Variants in ITK observed in about 807,000 individuals in gnomAD.
ITK encodes tyrosine-protein kinase ITK/TSK.
A neutral mutation model predicts 87.6 loss-of-function variants in ITK; 45 were observed. That is an observed-to-expected ratio of 0.51 (90% CI 0.40 to 0.66). The LOEUF (loss-of-function observed/expected upper bound fraction) is 0.66. ITK is among the 30% of genes least tolerant of loss of function. The pLI, the probability that ITK is intolerant of heterozygous loss-of-function variation, is 0.00. For synonymous variants in ITK, 303 were observed against 273.6 expected (o/e 1.11, Z -1.06); for missense variants, 605 against 766.3 (o/e 0.79, Z 2.48).
chr5:157,217,614 G>A (rs146892432), intron 4 of ITK, among the ~76,000 whole-genome samples: 118 of 152,258 alleles, frequency 7.7e-4, no homozygotes, highest in African/African-American at 2.7e-3. Flanking sequence ...GAGGGCCCCC[G>A]AATATGGACT....
chr5:157,222,773 G>T (rs1307329057), intron 5 of ITK, 90 bp from the exon 6 acceptor site: 17 of 1,282,268 alleles, frequency 1.3e-5, no homozygotes, highest in Admixed American at 1.7e-5. Flanking sequence ...CCAGAGGAAG[G>T]CAGACTGTCT....
intron 9 of ITK, among the ~76,000 whole-genome samples, chr5:157,238,401 C>T (rs1169605444): frequency 6.6e-6 from 1 of 152,074 alleles, no homozygotes; most frequent in Non-Finnish European, 1.5e-5. Flanking sequence ...GGAGTGGATG[C>T]CAGGTCCTCT....
chr5:157,224,727 G>A (rs1459474203), intron 6 of ITK, among the ~76,000 whole-genome samples: 1 of 152,116 alleles, frequency 6.6e-6, no homozygotes, highest in Non-Finnish European at 1.5e-5. Context: ...GTTGCAGTGG[G>A]CCAAGCTCAC....
chr5:157,180,851 C>T lies in ITK; in HGVS notation c.-127C>T, dbSNP rs756436987. 73 of 844,206 alleles carry T rather than the reference C, an allele frequency of 8.6e-5. No individual in the cohort carries two copies. The highest frequency in any genetic ancestry group is 4.4e-4 in the Middle Eastern group (2 of 4,552). 52.3% of individuals were successfully genotyped at this position (844,206 alleles called of 1,614,324 possible). A position where few individuals can be genotyped will look rare whatever the true frequency, so the allele number is the denominator to read the frequency against. ...GTTGATAGAAAGATAACGTTGAAGG[C>T]AAGTTGCCCTTGAGCAGCTCTCTGA... On this transcript the variant is annotated 5_prime_UTR_variant, in exon 1 of 17. Transcript: ENST00000422843.
Position 157,229,481 on chromosome 5 carries a change from TATAAGGATATATTC to T in ITK, c.713+1134_713+1147del, listed in dbSNP as rs1367050404. Among the ~76,000 whole-genome samples, 6 of 152,306 alleles carry T rather than the reference TATAAGGATATATTC, an allele frequency of 3.9e-5. No individual in the cohort carries two copies. The East Asian group carries it at 9.6e-4, about 24-fold the overall frequency. On this transcript the variant is annotated intron_variant, in intron 7 of 16. Transcript: ENST00000422843. ...AAAAAATGCACAACATAAATTTACT[TATAAGGATATATTC>T]ATAAGGATATATTAGACAAATCCAA...
rs767930063 is a variant in ITK, at chr5:157,228,323, T to C, written c.675T>C (p.Tyr225=). The C allele has an allele frequency of 2.2e-5, 35 of 1,606,584 alleles. No homozygotes were observed. In the Middle Eastern group the frequency reaches 5.0e-4, roughly 23 times the overall value. The stretch of plus-strand genomic sequence containing the variant: ...ATGAAGGATATGTACCAAGCAGTTA[T>C]CTGGTGGAAAAATCTCCAAATAATC... ...NGHEGYVPSS[Y]LVEKSPNNLE... is the part of the protein sequence containing the mutation. Residue 225 remains tyrosine (Y), a synonymous_variant, in exon 7 of 17, where the codon TAT becomes TAC. Transcript: ENST00000422843.
intron 1 of ITK, among the ~76,000 whole-genome samples, 167 bp downstream of exon 1, chr5:157,181,282 C>A (rs1186317075): frequency 3.9e-5 from 6 of 152,108 alleles, no homozygotes; most frequent in African/African-American, 1.4e-4. Flanking sequence ...ATGCAGAGAG[C>A]AGTCAAGAGG....
chr5:157,214,455 C>G, intron 4 of ITK, 136 bp downstream of exon 4: 3 of 751,678 alleles, frequency 4.0e-6, no homozygotes, highest in Non-Finnish European at 4.6e-6. Context: ...GAGGAATCAT[C>G]TGTCTTTCCT....
In ITK at chr5:157,254,575, A is replaced by G. The variant is rs931889587; in HGVS notation, c.*1897A>G. 4.6e-6 allele frequency: 1 copy of G among 218,796 alleles called. No individual in the cohort carries two copies. Among genetic ancestry groups the G allele is most frequent in the Non-Finnish European group, 9.2e-6 (1 of 109,022 alleles). 13.6% of individuals were successfully genotyped at this position (218,796 alleles called of 1,614,324 possible). A position where few individuals can be genotyped will look rare whatever the true frequency, so the allele number is the denominator to read the frequency against. On this transcript the variant is annotated 3_prime_UTR_variant, in exon 17 of 17. Coordinates refer to ENST00000422843, the MANE Select transcript of ITK (RefSeq NM_005546.4). ...GACTGGCTTGAGATTCAGATGCATA[A>G]TTTTTAATTATAATTATTGTGAAGT... is the stretch of plus-strand genomic sequence containing the variant.
At chr5:157,213,351 C>A (rs944155213) in intron 3 of ITK, among the ~76,000 whole-genome samples, 1 of 152,178 alleles carries the variant, frequency 6.6e-6, no homozygotes, top group Non-Finnish European at 1.5e-5. Flanking sequence ...ATGGAGATTA[C>A]AATTCAAGAT....
At position 157,254,287 on chromosome 5, in the gene ITK, C is replaced by A; in HGVS notation, c.*1609C>A. On this transcript the variant is annotated 3_prime_UTR_variant, in exon 17 of 17. Transcript: ENST00000422843. ...TTCCTTTTCCTATTCTGTATCCTTA[C>A]CTTGGTCATGTTAATGACTTTGGAG... is the stretch of plus-strand genomic sequence containing the variant. 1 of 228,170 alleles carries A rather than the reference C, an allele frequency of 4.4e-6. No individual in the cohort carries two copies. The highest frequency in any genetic ancestry group is 6.3e-5 in the East Asian group (1 of 15,912). 14.1% of individuals were successfully genotyped at this position (228,170 alleles called of 1,614,324 possible). A position where few individuals can be genotyped will look rare whatever the true frequency, so the allele number is the denominator to read the frequency against.
chr5:157,199,270 C>T (rs1753913645), intron 1 of ITK: 1 of 152,092 alleles, frequency 6.6e-6, no homozygotes, highest in African/African-American at 2.4e-5. Flanking sequence ...CTCTGCCTTA[C>T]CAGAGGAGAA....
chr5:157,202,007 G>A (rs769922045), intron 1 of ITK, among the ~76,000 whole-genome samples: 25 of 152,028 alleles, frequency 1.6e-4, no homozygotes, highest in Admixed American at 7.9e-4. Flanking sequence ...AGTAGGTGCC[G>A]GTATCTGTGG....
At chr5:157,245,812 G>C (rs573598171) in intron 14 of ITK, 22 bp downstream of exon 14, 10 of 1,613,002 alleles carry the variant, frequency 6.2e-6, no homozygotes, top group African/African-American at 1.3e-5. Context: ...ATGTGGTGCC[G>C]GTGAAGTCTC....
At chr5:157,226,511 G>A (rs571983680) in intron 6 of ITK, among the ~76,000 whole-genome samples, 1 of 152,320 alleles carries the variant, frequency 6.6e-6, no homozygotes, top group African/African-American at 2.4e-5. Flanking sequence ...CGTTGGAATG[G>A]CTGCCTTGAG....
chr5:157,226,137 A>G (rs1754526509), intron 6 of ITK, among the ~76,000 whole-genome samples: 1 of 152,232 alleles, frequency 6.6e-6, no homozygotes, highest in South Asian at 2.1e-4. Context: ...ACAGATGACC[A>G]TGTCATATGT....
chr5:157,211,325 A>G lies in ITK; in HGVS notation c.282A>G (p.Pro94=), dbSNP rs1189784154. ...ACTACCTCCTATATGTGTTTGCTCC[A>G]GATCGTGAGAGCCGGCAGCGCTGGG... is the stretch of plus-strand genomic sequence containing the variant. ...HDNYLLYVFA[P]DRESRQRWVL... Residue 94 remains proline (P), a synonymous_variant, in exon 3 of 17, where the codon CCA becomes CCG. Transcript: ENST00000422843. 1.2e-5 allele frequency: 19 copies of G among 1,614,080 alleles called. No homozygotes were observed. The South Asian group carries it at 2.0e-4, about 17-fold the overall frequency.
At chr5:157,230,815 G>A (rs968124433) in intron 7 of ITK, among the ~76,000 whole-genome samples, 2 of 151,974 alleles carry the variant, frequency 1.3e-5, no homozygotes, top group African/African-American at 4.8e-5. Context: ...GAGGTCTGGA[G>A]CAAATAAAAA....
chr5:157,205,772 C>T (rs463077), intron 1 of ITK, among the ~76,000 whole-genome samples: 106,090 of 151,992 alleles, frequency 0.7, 37,736 homozygotes, highest in East Asian at 0.98. Flanking sequence ...TTTTGACGTA[C>T]GTTCCTTTAA....
Sources: gnomAD v4.1 joint callset for allele counts (sites outside exome capture counted in the v4.1 genomes callset) on GRCh38, gnomAD v4.1.1 for gene constraint, MANE v1.5 for transcripts, NCBI Gene and HGNC (gene_info 2026-07-23, HGNC 2026-07-21) for gene names.